MEI1: variants seen among roughly 807,000 people sequenced by gnomAD.
MEI1 encodes the protein meiotic double-stranded break formation protein 1.
A neutral mutation model predicts 146.2 loss-of-function variants in MEI1; 103 were observed. The observed-to-expected ratio is 0.70, with a 90% CI of 0.60 to 0.83. The LOEUF is 0.83. Ranked by LOEUF, MEI1 falls within the 40% of genes least tolerant of loss-of-function variation. The pLI, the probability that MEI1 is intolerant of heterozygous loss-of-function variation, is 0.00. For synonymous variants in MEI1, 652 were observed against 628.2 expected, an observed-to-expected ratio of 1.04 and a Z score of -0.57; for missense variants, 1,529 against 1,533.0, an observed-to-expected ratio of 1.00 and a Z score of 0.04.
chr22:41,760,129 G>A (rs2074379107), intron 18 of MEI1, among the ~76,000 whole-genome samples: 1 of 151,642 alleles, frequency 6.6e-6, no homozygotes, highest in African/African-American at 2.4e-5. Context: ...CTAACACGGT[G>A]AAACCCCGTC....
At chr22:41,785,289 G>T (rs1050573391) in intron 26 of MEI1, among the ~76,000 whole-genome samples, 86 of 147,636 alleles carry the variant, frequency 5.8e-4, no homozygotes, top group South Asian at 1.7e-3. Flanking sequence ...TTTAGACGGA[G>T]TCTAGCTCTG....
At chr22:41,718,936 T>G (rs567129488) in intron 6 of MEI1, among the ~76,000 whole-genome samples, 6 of 151,732 alleles carry the variant, frequency 4.0e-5, no homozygotes, top group Non-Finnish European at 7.4e-5. Flanking sequence ...CAGTGGTGCT[T>G]TCTCAGCTCA....
At chr22:41,776,312 T>A (rs1415199910) in intron 21 of MEI1, 45 bp downstream of exon 21, 2 of 1,602,274 alleles carry the variant, frequency 1.2e-6, no homozygotes, top group Non-Finnish European at 1.7e-6. Context: ...TGAAAGCCAG[T>A]CGAGAATGGG....
intron 17 of MEI1, among the ~76,000 whole-genome samples, chr22:41,756,567 G>A (rs887134114): frequency 3.9e-5 from 6 of 151,988 alleles, no homozygotes; most frequent in Non-Finnish European, 7.4e-5. Flanking sequence ...TCCACCTCCC[G>A]GGTTCAAGCA....
chr22:41,732,601 G>C lies in MEI1; in HGVS notation c.1329G>C (p.Leu443=), dbSNP rs776628219. The change falls in exon 11 of 31, where the codon CTG becomes CTC. Residue 443 remains leucine, a splice_region_variant and synonymous_variant. Transcript: ENST00000401548. The part of the protein sequence containing the change: ...AEALKATSAF[L]RKDHQSTPPV... ...CCTTGAAGGCCACTTCTGCTTTTCT[G>C]AGGTGAGAGACCCAGGCAGGCTGAA... 3 of 1,612,462 alleles carry C rather than the reference G, an allele frequency of 1.9e-6. No individual in the cohort carries two copies. Among genetic ancestry groups the C allele is most frequent in the Admixed American group, 1.7e-5 (1 of 59,960 alleles).
chr22:41,728,854 C>T (rs1211990753), intron 7 of MEI1, among the ~76,000 whole-genome samples: 1 of 140,630 alleles, frequency 7.1e-6, no homozygotes, highest in Non-Finnish European at 1.5e-5. Context: ...AAGTGAGACC[C>T]TGTGTCAAAA....
intron 5 of MEI1, among the ~76,000 whole-genome samples, chr22:41,716,355 C>CTTTTTTTTTTTTT (rs6147630): frequency 4.2e-5 from 5 of 118,586 alleles, no homozygotes; most frequent in South Asian, 2.7e-4. Context: ...TCCATTCATT[C>CTTTTTTTTTTTTT]TTTTTTTTTT....
intron 22 of MEI1, among the ~76,000 whole-genome samples, chr22:41,780,169 C>T (rs187584397): frequency 7.2e-5 from 11 of 152,282 alleles, no homozygotes; most frequent in African/African-American, 2.4e-4. Flanking sequence ...TTCAGAAGAG[C>T]CTCTGACAGG....
At chr22:41,763,744 T>C (rs1007854116) in intron 19 of MEI1, among the ~76,000 whole-genome samples, 18 of 151,452 alleles carry the variant, frequency 1.2e-4, no homozygotes, top group Non-Finnish European at 2.5e-4. Flanking sequence ...GGCAACATAG[T>C]AAGACCTTGT....
intron 22 of MEI1, among the ~76,000 whole-genome samples, chr22:41,779,311 G>A (rs928915908): frequency 4.6e-5 from 7 of 152,234 alleles, no homozygotes; most frequent in Middle Eastern, 3.4e-3. Flanking sequence ...TTAGCTGTGT[G>A]TCGTGATGCA....
At chr22:41,759,764 G>T (rs1376302994) in intron 18 of MEI1, among the ~76,000 whole-genome samples, 1 of 152,158 alleles carries the variant, frequency 6.6e-6, no homozygotes, top group Non-Finnish European at 1.5e-5. Flanking sequence ...AGGAGGTGGA[G>T]GTTGGAGTGA....
At chr22:41,710,468 C>T (rs1462114144) in intron 3 of MEI1, among the ~76,000 whole-genome samples, 1 of 152,210 alleles carries the variant, frequency 6.6e-6, no homozygotes, top group Non-Finnish European at 1.5e-5. Context: ...GGTAAGACAG[C>T]ACCGAATGTT....
At chr22:41,756,649 T>C (rs2074111079) in intron 17 of MEI1, among the ~76,000 whole-genome samples, 1 of 151,954 alleles carries the variant, frequency 6.6e-6, no homozygotes, top group Non-Finnish European at 1.5e-5. Context: ...AATTTTTGTA[T>C]TTTTAATAGA....
At position 41,750,587 on chromosome 22, in the gene MEI1, G is replaced by C. The variant is rs572620945; in HGVS notation, c.1793-2004G>C. ...AAGGTGAGAAATGGGGGTGTGAGTA[G>C]AGGGGAACATGGAATCAGGAAGGAT... On this transcript the variant is annotated intron_variant, in intron 15 of 30. Coordinates refer to ENST00000401548, the MANE Select transcript of MEI1 (RefSeq NM_152513.4). Among the ~76,000 whole-genome samples, 382 of 152,224 alleles carry C rather than the reference G, an allele frequency of 2.5e-3. 1 individual carries two copies. Among genetic ancestry groups the C allele is most frequent in the Non-Finnish European group, 4.3e-3 (289 of 68,000 alleles).
At chr22:41,769,482 T>A (rs898133883) in intron 19 of MEI1, among the ~76,000 whole-genome samples, 2 of 151,812 alleles carry the variant, frequency 1.3e-5, no homozygotes, top group Admixed American at 1.3e-4. Context: ...AGGAATTTTT[T>A]TTTTTTTGAG....
At chr22:41,784,840 G>A in intron 26 of MEI1, 57 bp downstream of exon 26, 1 of 1,441,702 alleles carries the variant, frequency 6.9e-7, no homozygotes, top group Non-Finnish European at 9.2e-7. Context: ...GGAAGGGGTG[G>A]CTGCCTGTCG....
At chr22:41,730,690 A>G (rs2071776996) in intron 9 of MEI1, 53 bp downstream of exon 9, 1 of 1,211,844 alleles carries the variant, frequency 8.3e-7, no homozygotes, top group South Asian at 1.2e-5. Flanking sequence ...GGCAGTTTGC[A>G]CTTGGGTAGC....
chr22:41,775,072 G>T (rs187963445), intron 20 of MEI1, among the ~76,000 whole-genome samples: 107 of 152,340 alleles, frequency 7.0e-4, no homozygotes, highest in Middle Eastern at 6.8e-3. Flanking sequence ...CTGTCCAAAG[G>T]AATTGGCTTC....
chr22:41,722,785 C>T (rs2070984747), intron 6 of MEI1, among the ~76,000 whole-genome samples: 1 of 152,078 alleles, frequency 6.6e-6, no homozygotes, highest in Non-Finnish European at 1.5e-5. Flanking sequence ...GTCCTCTGGG[C>T]TTTTTTCCAC....
Sources: gnomAD v4.1 joint callset for allele counts (sites outside exome capture counted in the v4.1 genomes callset) on GRCh38, gnomAD v4.1.1 for gene constraint, MANE v1.5 for transcripts, NCBI Gene and HGNC (gene_info 2026-07-23, HGNC 2026-07-21) for gene names.